ZMYND8: variants seen among roughly 807,000 people sequenced by gnomAD.
The protein encoded by ZMYND8 is MYND-type zinc finger-containing chromatin reader ZMYND8.
Under a neutral mutation model 140.8 loss-of-function variants are expected in ZMYND8, and 37 were observed. The ratio of observed to expected loss-of-function variants is 0.26; its 90% confidence interval spans 0.20 to 0.35. ZMYND8 has a LOEUF of 0.35. ZMYND8 is among the 10% of genes least tolerant of loss of function. The probability of loss-of-function intolerance (pLI) is 1.00; values close to 1 mark genes in which losing one functional copy is unlikely to be tolerated. For synonymous variants in ZMYND8, 592 were observed against 597.1 expected, an observed-to-expected ratio of 0.99 and a Z score of 0.12; for missense variants, 1,068 against 1,570.0, an observed-to-expected ratio of 0.68 and a Z score of 5.40.
chr20:47,255,613 C>CACCATATACATATACTAAGTATATATAT (rs2074557973), intron 12 of ZMYND8, among the ~76,000 whole-genome samples: 1 of 128,504 alleles, frequency 7.8e-6, no homozygotes, highest in African/African-American at 3.0e-5. Context: ...TATATATACA[C>CACCATATACATATACTAAGTATATATAT]ACCATATACA....
chr20:47,318,654 G>C (rs1340987037), intron 2 of ZMYND8: 2 of 447,904 alleles, frequency 4.5e-6, no homozygotes, highest in Non-Finnish European at 8.9e-6. Flanking sequence ...CCGTCTCTTA[G>C]ACCCACAGAA....
At position 47,276,273 on chromosome 20, in the gene ZMYND8, G is replaced by T. The variant is rs1474266534; in HGVS notation, c.1480+41C>A. On this transcript the variant is annotated intron_variant, in intron 11 of 22. Coordinates refer to ENST00000471951, the MANE Select transcript of ZMYND8 (RefSeq NM_001281775.3). ...GTGTGCACCCATGGGAAACCCCCGT[G>T]TCCAAGGGGCCTCCTCCCCGCTCCC... is the stretch of plus-strand genomic sequence containing the variant. The T allele has an allele frequency of 2.0e-6, 3 of 1,496,118 alleles. No homozygotes were observed. The South Asian group carries it at 4.1e-5, about 20-fold the overall frequency. The allele number at this position is 1,496,118 out of a possible 1,614,324, so 92.7% of individuals were successfully genotyped here. A position where few individuals can be genotyped will look rare whatever the true frequency, so the allele number is the denominator to read the frequency against.
At chr20:47,237,555 T>G (rs916906170) in intron 15 of ZMYND8, 1 of 152,192 alleles carries the variant, frequency 6.6e-6, no homozygotes, top group Non-Finnish European at 1.5e-5. Flanking sequence ...TCAAATATCC[T>G]AGACTCGGCT....
chr20:47,244,108 A>G (rs2040260375), intron 14 of ZMYND8, among the ~76,000 whole-genome samples: 1 of 152,168 alleles, frequency 6.6e-6, no homozygotes. Flanking sequence ...GCCCAGGTTG[A>G]CCATAACCAC....
At chr20:47,216,197 C>T (rs916171197) in intron 21 of ZMYND8, among the ~76,000 whole-genome samples, 1 of 152,064 alleles carries the variant, frequency 6.6e-6, no homozygotes, top group Non-Finnish European at 1.5e-5. Flanking sequence ...AAACTTGGGT[C>T]ACAACACAGG....
At chr20:47,242,525 A>C (rs2040093699) in intron 14 of ZMYND8, among the ~76,000 whole-genome samples, 1 of 152,222 alleles carries the variant, frequency 6.6e-6, no homozygotes, top group Admixed American at 6.5e-5. Flanking sequence ...AAGTGCCTTC[A>C]ATGCCTTCCT....
chr20:47,260,121 T>C (rs2075045011), intron 12 of ZMYND8, among the ~76,000 whole-genome samples: 1 of 152,168 alleles, frequency 6.6e-6, no homozygotes, highest in African/African-American at 2.4e-5. Flanking sequence ...GTTCTACATT[T>C]TGTAGGATGT....
chr20:47,247,011 T>C (rs2040639325), intron 13 of ZMYND8, among the ~76,000 whole-genome samples: 1 of 152,158 alleles, frequency 6.6e-6, no homozygotes, highest in African/African-American at 2.4e-5. Context: ...AGGGTTAAAG[T>C]TCTTGATCCT....
intron 14 of ZMYND8, among the ~76,000 whole-genome samples, chr20:47,244,180 C>T (rs911504783): frequency 6.6e-6 from 1 of 152,208 alleles, no homozygotes; most frequent in Non-Finnish European, 1.5e-5. Flanking sequence ...ATGGAAACCC[C>T]AAAGGACATG....
At chr20:47,224,675 C>T (rs1003687579) in intron 18 of ZMYND8, 119 bp from the exon 19 acceptor site, 2 of 1,532,882 alleles carry the variant, frequency 1.3e-6, no homozygotes, top group African/African-American at 2.7e-5. Flanking sequence ...GAAGCCCTGG[C>T]TGTGTGCCCA....
At chr20:47,221,217 C>G in intron 20 of ZMYND8, 97 bp downstream of exon 20, 1 of 1,507,332 alleles carries the variant, frequency 6.6e-7, no homozygotes, top group Non-Finnish European at 9.0e-7. Context: ...ACAAGCCTCC[C>G]ACAACACGGA....
rs569688613 is a variant in ZMYND8, at chr20:47,238,559, A to C, written c.2665+199T>G. 234 of 973,712 alleles carry C rather than the reference A, an allele frequency of 2.4e-4. 2 individuals carry two copies. The African/African-American group carries it at 3.1e-3, about 13-fold the overall frequency. The allele number at this position is 973,712 out of a possible 1,614,324, so 60.3% of individuals were successfully genotyped here. A position where few individuals can be genotyped will look rare whatever the true frequency, so the allele number is the denominator to read the frequency against. On this transcript the variant is annotated intron_variant, in intron 15 of 22. Coordinates refer to ENST00000471951, the MANE Select transcript of ZMYND8 (RefSeq NM_001281775.3). ...TATCATTTATAAAATGAACAAAAAA[A>C]ACTTTTTGAAAGTAAAAAAGCAAGT... is the stretch of plus-strand genomic sequence containing the variant.
chr20:47,245,392 G>A (rs1055375123), intron 14 of ZMYND8, among the ~76,000 whole-genome samples: 4 of 152,100 alleles, frequency 2.6e-5, no homozygotes, highest in African/African-American at 7.2e-5. Context: ...GATTACAGGC[G>A]CCTGCTACCA....
intron 21 of ZMYND8, among the ~76,000 whole-genome samples, chr20:47,216,292 A>G (rs1430714482): frequency 6.6e-6 from 1 of 152,074 alleles, no homozygotes; most frequent in Non-Finnish European, 1.5e-5. Flanking sequence ...TCAGGAGTTC[A>G]AGACCAGCCT....
At chr20:47,337,703 C>T (rs1279458618) in intron 2 of ZMYND8, among the ~76,000 whole-genome samples, 1 of 152,092 alleles carries the variant, frequency 6.6e-6, no homozygotes, top group Non-Finnish European at 1.5e-5. Context: ...CGCAAACACA[C>T]CTGGCATCGA....
intron 2 of ZMYND8, among the ~76,000 whole-genome samples, chr20:47,313,149 G>A (rs2079073019): frequency 6.6e-6 from 1 of 150,866 alleles, no homozygotes; most frequent in Non-Finnish European, 1.5e-5. Flanking sequence ...AGGATTGCTT[G>A]AGCCCAGGAG....
At chr20:47,326,381 C>A (rs973710109) in intron 2 of ZMYND8, among the ~76,000 whole-genome samples, 12 of 152,222 alleles carry the variant, frequency 7.9e-5, no homozygotes, top group African/African-American at 2.9e-4. Context: ...GGATTCCAGG[C>A]GTGAGCCACC....
In ZMYND8 at chr20:47,310,099, T is replaced by G. The variant is rs2078809754; in HGVS notation, c.191A>C (p.Lys64Thr). Residue 64 changes from lysine (K) to threonine (T), a missense_variant, in exon 3 of 23, where the codon AAG (lysine) becomes ACG (threonine). Lys to Thr is a moderately conservative substitution (Grantham distance 78). Coordinates refer to ENST00000471951, the MANE Select transcript of ZMYND8 (RefSeq NM_001281775.3). Reference sequence around the variant, plus strand: ...GTTCAGTAAGCCAGGTTTCTTTTTCTTTTTAATGGGGCTTGTTGATGTGTC... The same window carrying G: ...GTTCAGTAAGCCAGGTTTCTTTTTCGTTTTAATGGGGCTTGTTGATGTGTC... ...PQDTSTSPIK[K>T]KKKPGLLNSN... is the part of the protein sequence containing the mutation. 6.2e-7 allele frequency: 1 copy of G among 1,614,084 alleles called. No homozygotes were observed. Among genetic ancestry groups the G allele is most frequent in the Non-Finnish European group, 8.5e-7 (1 of 1,180,044 alleles).
At chr20:47,280,058 G>A (rs1569082737) in intron 10 of ZMYND8, among the ~76,000 whole-genome samples, 3 of 151,418 alleles carry the variant, frequency 2.0e-5, no homozygotes, top group Non-Finnish European at 4.4e-5. Flanking sequence ...GGGAAGAGAA[G>A]GCTGCAATGA....
Sources: gnomAD v4.1 joint callset for allele counts (sites outside exome capture counted in the v4.1 genomes callset) on GRCh38, gnomAD v4.1.1 for gene constraint, MANE v1.5 for transcripts, NCBI Gene and HGNC (gene_info 2026-07-23, HGNC 2026-07-21) for gene names.